MTERF4: variants seen among roughly 807,000 people sequenced by gnomAD.
The protein encoded by MTERF4 is transcription termination factor 4, mitochondrial.
MTERF4 carries 17 observed loss-of-function variants against 22.5 expected under a neutral mutation model. The ratio of observed to expected loss-of-function variants is 0.75; its 90% CI spans 0.52 to 1.13. The LOEUF (loss-of-function observed/expected upper bound fraction) is 1.13, where lower values mean the gene tolerates loss of function less well. Among genes scored for constraint, MTERF4 ranks in the 50% most tolerant of loss-of-function variants. The pLI, the probability that MTERF4 is intolerant of heterozygous loss-of-function variation, is 0.00. For synonymous variants in MTERF4, 165 were observed against 175.3 expected, an observed-to-expected ratio of 0.94 and a Z score of 0.47; for missense variants, 420 against 466.8, an observed-to-expected ratio of 0.90 and a Z score of 0.92.
the MTERF4 span, among the ~76,000 whole-genome samples, chr2:241,054,280 G>A: frequency 2.0e-5 from 3 of 152,186 alleles, no homozygotes; most frequent in African/African-American, 4.8e-5. Flanking sequence ...TGAAAAGTAC[G>A]ATTGCCTCAG....
downstream of MTERF4, among the ~76,000 whole-genome samples, chr2:241,083,228 A>C (rs1331723444): frequency 1.3e-5 from 2 of 152,072 alleles, no homozygotes; most frequent in Non-Finnish European, 2.9e-5. Context: ...GACATGGAGG[A>C]GGGATGGACA....
chr2:241,089,170 T>G (rs748644881), downstream of MTERF4: 4 of 865,932 alleles, frequency 4.6e-6, no homozygotes, highest in Non-Finnish European at 7.0e-6. Context: ...TACAACCTGT[T>G]ACCAGTTTCA....
chr2:241,078,489 T>A (rs1473057364), intron 4 of MTERF4, among the ~76,000 whole-genome samples: 1 of 151,718 alleles, frequency 6.6e-6, no homozygotes, highest in Non-Finnish European at 1.5e-5. Context: ...TGCTGCATGC[T>A]ACAACATGGA....
rs1016208402 is a variant in MTERF4 at position 241,096,040 on chromosome 2, C to T, written c.1104G>A (p.Ala368=). 1.5e-5 allele frequency: 24 copies of T among 1,612,960 alleles called. No individual in the cohort carries two copies. Among genetic ancestry groups the T allele is most frequent in the African/African-American group, 2.7e-5 (2 of 74,136 alleles). The change falls in exon 4 of 4, where the codon GCG becomes GCA. Residue 368 remains alanine (A), a synonymous_variant. Coordinates refer to ENST00000391980, the MANE Select transcript of MTERF4 (RefSeq NM_182501.4). This position sits in a 1 kb window ranked among gnomAD's most constrained non-coding sequence, Gnocchi z 5.1. ...EDDDDEDDDE[A]EDNDEDEDDD... is the part of the protein sequence containing the mutation. ...CGTCCTCATCCTCATCATTGTCCTC[C>T]GCCTCGTCGTCGTCCTCATCATCGT... is the stretch of plus-strand genomic sequence containing the variant.
At chr2:241,066,753 C>T in the MTERF4 span, among the ~76,000 whole-genome samples, 4 of 152,090 alleles carry the variant, frequency 2.6e-5, no homozygotes, top group East Asian at 1.9e-4. Context: ...GGGAGGAGCT[C>T]GGCGGTTCTC....
chr2:241,084,434 G>A (rs1338400791), downstream of MTERF4, among the ~76,000 whole-genome samples: 2 of 152,092 alleles, frequency 1.3e-5, no homozygotes, highest in Non-Finnish European at 2.9e-5. Context: ...GATTACAGGC[G>A]TGAGTGACTG....
chr2:241,071,300 T>C (rs1485845891), downstream of MTERF4: 3 of 544,016 alleles, frequency 5.5e-6, no homozygotes, highest in Non-Finnish European at 9.9e-6. Context: ...GGCAGGGGCC[T>C]AGACTCAGCC....
chr2:241,073,429 G>C lies in MTERF4; in HGVS notation n.2733C>G, dbSNP rs1018874024. 3 of 1,354,046 alleles carry C rather than the reference G, an allele frequency of 2.2e-6. No individual in the cohort carries two copies. In the Admixed American group the frequency reaches 5.9e-5, roughly 27 times the overall value. 83.9% of individuals were successfully genotyped at this position (1,354,046 alleles called of 1,614,324 possible). A position where few individuals can be genotyped will look rare whatever the true frequency, so the allele number is the denominator to read the frequency against. The stretch of plus-strand genomic sequence containing the variant: ...ACTGCTCTCAGGGGCCTTAGAGGCT[G>C]CAGGCAGGAGGGACCACCCACGGTG... On this transcript the variant is annotated non_coding_transcript_exon_variant, in exon 5 of 5. Coordinates refer to the MTERF4 transcript ENST00000464344. This position sits in a 1 kb window ranked among gnomAD's most constrained non-coding sequence, Gnocchi z 6.6.
At chr2:241,092,610 G>A (rs1044812148), downstream of MTERF4, 1 of 152,216 alleles carries the variant, frequency 6.6e-6, no homozygotes, top group Non-Finnish European at 1.5e-5. This position sits in a 1 kb window ranked among gnomAD's most constrained non-coding sequence, Gnocchi z 4.6. Context: ...GGAAAGCTAA[G>A]GCACACTGCC....
chr2:241,087,170 T>C (rs747470025), downstream of MTERF4: 7 of 511,668 alleles, frequency 1.4e-5, no homozygotes, highest in Middle Eastern at 3.3e-4. Context: ...AAAATGGGTT[T>C]ATTTTATGCA....
At chr2:241,071,625 T>G, downstream of MTERF4, 1 of 1,586,484 alleles carries the variant, frequency 6.3e-7, no homozygotes, top group Non-Finnish European at 8.5e-7. Flanking sequence ...GACACCACCC[T>G]CGGGTGCTCA....
chr2:241,047,585 T>C, the MTERF4 span, among the ~76,000 whole-genome samples: 4 of 152,210 alleles, frequency 2.6e-5, no homozygotes, highest in Non-Finnish European at 4.4e-5. Flanking sequence ...TTGAAAAGGA[T>C]TGTGTTTTCT....
chr2:241,063,827 G>T, the MTERF4 span: 1 of 772,386 alleles, frequency 1.3e-6, no homozygotes, highest in African/African-American at 1.8e-5. Flanking sequence ...CAGGGCTGCG[G>T]CCACCTTGGG....
the MTERF4 span, among the ~76,000 whole-genome samples, chr2:241,052,750 C>T: frequency 5.0e-5 from 2 of 40,352 alleles, no homozygotes; most frequent in African/African-American, 9.9e-5. Flanking sequence ...GTGAGAGGGC[C>T]GGGGGGCCAA....
At chr2:241,042,622 A>T in the MTERF4 span, among the ~76,000 whole-genome samples, 1 of 152,208 alleles carries the variant, frequency 6.6e-6, no homozygotes, top group African/African-American at 2.4e-5. Context: ...TATTATGAAT[A>T]TGCTCCTATA....
At position 241,081,847 on chromosome 2, in the gene MTERF4, C is replaced by T. The variant is rs1430233482; in HGVS notation, n.480-6165G>A. ...CCTTCCAACACAGCCTGTGCCTCAG[C>T]CTAGGACTGCTGGGCCACAGCTGGG... is the stretch of plus-strand genomic sequence containing the variant. On this transcript the variant is annotated intron_variant and non_coding_transcript_variant, in intron 4 of 4. Coordinates refer to the MTERF4 transcript ENST00000464344. The T allele has an allele frequency of 3.0e-6, 4 of 1,324,238 alleles. No individual in the cohort carries two copies. The African/African-American group carries it at 4.4e-5, about 14-fold the overall frequency. 82.0% of individuals were successfully genotyped at this position (1,324,238 alleles called of 1,614,324 possible).
At chr2:241,049,834 G>A in the MTERF4 span, 2 of 1,613,598 alleles carry the variant, frequency 1.2e-6, no homozygotes, top group Non-Finnish European at 8.5e-7. Flanking sequence ...ATCACCCTGC[G>A]ACTCGGACCC....
downstream of MTERF4, chr2:241,090,313 T>G: frequency 6.5e-7 from 1 of 1,549,844 alleles, no homozygotes; most frequent in East Asian, 2.4e-5. Context: ...CTTCTTCCAC[T>G]TCCACATCGT....
the MTERF4 span, chr2:241,065,445 C>G: frequency 2.5e-6 from 4 of 1,613,078 alleles, no homozygotes; most frequent in Non-Finnish European, 3.4e-6. Flanking sequence ...CTCCTACCGC[C>G]GCACAGACTT....
Sources: gnomAD v4.1 joint callset for allele counts (sites outside exome capture counted in the v4.1 genomes callset) on GRCh38, gnomAD v4.1.1 for gene constraint, Gnocchi (gnomAD v3.1) non-coding constraint, MANE v1.5 for transcripts, NCBI Gene and HGNC (gene_info 2026-07-23, HGNC 2026-07-21) for gene names.